The following PIK3C2G variants were observed in gnomAD, a reference collection of about 807,000 sequenced individuals.
PIK3C2G encodes phosphatidylinositol-4-phosphate 3-kinase catalytic subunit type 2 gamma.
In PIK3C2G, 168 loss-of-function variants were observed where a neutral mutation model predicts 181.1. The ratio of observed to expected loss-of-function variants is 0.93; its 90% CI spans 0.82 to 1.05. The LOEUF (loss-of-function observed/expected upper bound fraction) is 1.05, where lower values mean the gene tolerates loss of function less well. Among genes scored for constraint, PIK3C2G ranks in the 50% least tolerant of loss-of-function variants. The probability of loss-of-function intolerance (pLI) is 0.00; values close to 1 mark genes in which losing one functional copy is unlikely to be tolerated. For missense variants in PIK3C2G, 1,869 were observed against 1,732.8 expected, an observed-to-expected ratio of 1.08 and a Z score of -1.40; for synonymous variants, 573 against 592.2, an observed-to-expected ratio of 0.97 and a Z score of 0.47.
At chr12:18,248,376 T>A (rs1948062402) in intron 1 of PIK3C2G, among the ~76,000 whole-genome samples, 1 of 151,896 alleles carries the variant, frequency 6.6e-6, no homozygotes, top group South Asian at 2.1e-4. Context: ...ATCGAGACCA[T>A]CCTAGCTAAC....
chr12:18,262,513 C>T (rs184286939), intron 1 of PIK3C2G, among the ~76,000 whole-genome samples: 11 of 151,678 alleles, frequency 7.3e-5, no homozygotes, highest in Non-Finnish European at 1.2e-4. Context: ...TTATTCTCCA[C>T]GCATGTCTAT....
At chr12:18,525,001 T>C (rs1943143629) in intron 24 of PIK3C2G, among the ~76,000 whole-genome samples, 1 of 152,222 alleles carries the variant, frequency 6.6e-6, no homozygotes, top group African/African-American at 2.4e-5. Context: ...AATGTAAGTG[T>C]TCCAAATGAA....
chr12:18,258,468 A>G (rs1217859171), upstream of PIK3C2G, among the ~76,000 whole-genome samples: 2 of 152,066 alleles, frequency 1.3e-5, no homozygotes, highest in African/African-American at 4.8e-5. Context: ...GGTGACCACC[A>G]TTTTACTCTC....
chr12:18,295,781 C>A (rs1007241542), intron 5 of PIK3C2G, among the ~76,000 whole-genome samples: 6 of 151,076 alleles, frequency 4.0e-5, no homozygotes, highest in African/African-American at 1.5e-4. Context: ...GAGTAATAGC[C>A]TATTTGTATT....
chr12:18,719,685 G>C, the PIK3C2G span: 10 of 1,281,990 alleles, frequency 7.8e-6, no homozygotes, highest in Admixed American at 6.8e-5. Context: ...CCATTAGCAA[G>C]ATAAAAAACT....
the PIK3C2G span, among the ~76,000 whole-genome samples, chr12:18,665,724 C>G: frequency 1.3e-5 from 2 of 152,070 alleles, no homozygotes; most frequent in African/African-American, 4.8e-5. Flanking sequence ...ATCACGAGGT[C>G]AGGAGATCGA....
chr12:18,700,273 AT>A, the PIK3C2G span, among the ~76,000 whole-genome samples: 2 of 152,014 alleles, frequency 1.3e-5, no homozygotes, highest in African/African-American at 2.4e-5. Context: ...TCATTAATAA[AT>A]TTATATTGAA....
At chr12:18,600,897 A>T (rs1947672060) in intron 30 of PIK3C2G, among the ~76,000 whole-genome samples, 1 of 152,162 alleles carries the variant, frequency 6.6e-6, no homozygotes, top group Non-Finnish European at 1.5e-5. Flanking sequence ...AGACAATTTC[A>T]TGTTACTTAA....
chr12:18,712,015 G>A, the PIK3C2G span, among the ~76,000 whole-genome samples: 1 of 151,992 alleles, frequency 6.6e-6, no homozygotes, highest in Admixed American at 6.6e-5. Context: ...TTAAGTTTAT[G>A]TTGACAGATT....
intron 8 of PIK3C2G, 100 bp downstream of exon 8, chr12:18,325,198 A>G: frequency 1.6e-6 from 1 of 611,512 alleles, no homozygotes. Context: ...ACAAAAATGA[A>G]TAAAACAGAG....
intron 24 of PIK3C2G, among the ~76,000 whole-genome samples, chr12:18,534,205 C>T (rs763968363): frequency 9.9e-5 from 15 of 152,046 alleles, no homozygotes; most frequent in Non-Finnish European, 2.1e-4. Flanking sequence ...CCTGCTCAGC[C>T]TCCCAAAGTG....
intron 13 of PIK3C2G, among the ~76,000 whole-genome samples, chr12:18,381,418 T>C (rs1051771165): frequency 4.6e-5 from 7 of 152,152 alleles, no homozygotes; most frequent in Admixed American, 3.9e-4. Flanking sequence ...TTTAAGGCAG[T>C]TGTAACTCCA....
intron 25 of PIK3C2G, among the ~76,000 whole-genome samples, chr12:18,539,662 G>GT (rs1181891550): frequency 3.3e-5 from 5 of 151,864 alleles, no homozygotes; most frequent in Non-Finnish European, 7.4e-5. Flanking sequence ...AGTTCCATTG[G>GT]TTAGTACAGA....
At chr12:18,301,961 C>G (rs892159075) in intron 5 of PIK3C2G, among the ~76,000 whole-genome samples, 2 of 152,108 alleles carry the variant, frequency 1.3e-5, no homozygotes, top group Non-Finnish European at 2.9e-5. Flanking sequence ...CTTGTGATTC[C>G]TTTAGCTGTA....
the PIK3C2G span, among the ~76,000 whole-genome samples, chr12:18,653,823 T>A: frequency 6.6e-6 from 1 of 152,098 alleles, no homozygotes; most frequent in African/African-American, 2.4e-5. Context: ...ATATAGGAAC[T>A]CTTTGTATAA....
At chr12:18,633,114 C>T (rs1241547560) in intron 31 of PIK3C2G, among the ~76,000 whole-genome samples, 3 of 152,128 alleles carry the variant, frequency 2.0e-5, no homozygotes, top group African/African-American at 4.8e-5. Flanking sequence ...AACATGCTAA[C>T]GCCATCCTCA....
At chr12:18,449,765 G>A (rs189653008) in intron 18 of PIK3C2G, among the ~76,000 whole-genome samples, 62 of 152,174 alleles carry the variant, frequency 4.1e-4, no homozygotes, top group Admixed American at 1.7e-3. Context: ...ATAAATATAC[G>A]TGTGCATGTG....
intron 16 of PIK3C2G, among the ~76,000 whole-genome samples, chr12:18,415,893 A>G (rs1272163024): frequency 6.6e-6 from 1 of 152,324 alleles, no homozygotes; most frequent in Non-Finnish European, 1.5e-5. Context: ...ATGAAAGTTA[A>G]GAGAGATGAG....
chr12:18,350,014 G>C (rs1256311757), intron 11 of PIK3C2G, among the ~76,000 whole-genome samples: 1 of 152,138 alleles, frequency 6.6e-6, no homozygotes, highest in Non-Finnish European at 1.5e-5. Context: ...ATTACTGAGG[G>C]CAAAAATGTA....
Sources: gnomAD v4.1 joint callset for allele counts (sites outside exome capture counted in the v4.1 genomes callset) on GRCh38, gnomAD v4.1.1 for gene constraint, MANE v1.5 for transcripts, NCBI Gene and HGNC (gene_info 2026-07-23, HGNC 2026-07-21) for gene names.